Variants in DNAH8 observed in about 807,000 individuals in gnomAD.
DNAH8 encodes axonemal beta dynein heavy chain 8.
Under a neutral mutation model 562.1 loss-of-function variants are expected in DNAH8, and 382 were observed. The observed-to-expected ratio is 0.68, with a 90% confidence interval of 0.63 to 0.74. The LOEUF (loss-of-function observed/expected upper bound fraction) is 0.74, where lower values mean the gene tolerates loss of function less well. Ranked by LOEUF, DNAH8 falls within the 30% of genes least tolerant of loss-of-function variation. DNAH8 has a pLI of 0.00. For synonymous variants in DNAH8, 1,881 were observed against 1,919.4 expected (o/e 0.98, Z 0.52); for missense variants, 5,203 against 5,620.4 (o/e 0.93, Z 2.37).
At chr6:39,020,763 G>A (rs1766864582) in intron 91 of DNAH8, among the ~76,000 whole-genome samples, 1 of 152,030 alleles carries the variant, frequency 6.6e-6, no homozygotes, top group Admixed American at 6.6e-5. Context: ...GTGAGAACAC[G>A]CGGTGTTTGG....
chr6:38,720,468 G>A (rs188390020), intron 1 of DNAH8, among the ~76,000 whole-genome samples: 2 of 152,268 alleles, frequency 1.3e-5, no homozygotes, highest in African/African-American at 4.8e-5. Flanking sequence ...CCCCCATTTT[G>A]GATGGGCAGC....
Position 38,883,956 on chromosome 6 carries a change from T to C in DNAH8, c.8217T>C (p.Ile2739=). ...PPGGRKMTVF[I]DDINMPVINE... is the part of the protein sequence containing the mutation. ...GAGGGAGAAAAATGACTGTATTTAT[T>C]GATGATATTAATATGCCTGTGATTA... Residue 2739 remains isoleucine (I), a synonymous_variant, in exon 56 of 93, where the codon ATT becomes ATC. Coordinates refer to ENST00000327475, the MANE Select transcript of DNAH8 (RefSeq NM_001206927.2). The C allele has an allele frequency of 1.9e-6, 3 of 1,587,090 alleles. No individual in the cohort carries two copies. The highest frequency in any genetic ancestry group is 2.6e-6 in the Non-Finnish European group (3 of 1,165,054).
At chr6:38,736,806 G>C (rs549576961) in intron 5 of DNAH8, among the ~76,000 whole-genome samples, 2 of 152,132 alleles carry the variant, frequency 1.3e-5, no homozygotes, top group Non-Finnish European at 2.9e-5. Flanking sequence ...TAGGCTCCAG[G>C]CTATTGTTCC....
intron 42 of DNAH8, among the ~76,000 whole-genome samples, chr6:38,858,091 C>T (rs1020860315): frequency 3.9e-5 from 6 of 152,146 alleles, no homozygotes; most frequent in East Asian, 3.8e-4. Context: ...AGCACTCTCA[C>T]GGCTGTTCGT....
rs559847783 is a variant in DNAH8, at chr6:38,877,111, C to T, written c.7858+1283C>T. The stretch of plus-strand genomic sequence containing the variant: ...CGCTGCTTTCTGAGCAGCCGGAGTT[C>T]TATGATGTTTAAAGGTTCAGATTGC... On this transcript the variant is annotated intron_variant, in intron 53 of 92. Coordinates refer to ENST00000327475, the MANE Select transcript of DNAH8 (RefSeq NM_001206927.2). 2.0e-5 allele frequency among the ~76,000 whole-genome samples: 3 copies of T among 152,284 alleles called. No individual in the cohort carries two copies. In the South Asian group the frequency reaches 6.2e-4, roughly 32 times the overall value.
intron 30 of DNAH8, among the ~76,000 whole-genome samples, chr6:38,831,430 C>CAAAAAAAAA (rs67322321): frequency 1.7e-4 from 15 of 88,982 alleles, no homozygotes; most frequent in Non-Finnish European, 3.0e-4. Flanking sequence ...GACACCATCT[C>CAAAAAAAAA]AAAAAAAAAA....
rs1466200625 is a variant in DNAH8, at chr6:38,945,619, A to C, written c.12129+31A>C. 1.9e-6 allele frequency: 3 copies of C among 1,612,478 alleles called. No homozygotes were observed. The African/African-American group carries it at 4.0e-5, about 22-fold the overall frequency. Reference sequence around the variant, plus strand: ...ACAATAAAGGGCTGGTTGAAAGTGCAGATCTGCAAACCCAAACATACCTGG... The same window carrying C: ...ACAATAAAGGGCTGGTTGAAAGTGCCGATCTGCAAACCCAAACATACCTGG... On this transcript the variant is annotated intron_variant, in intron 80 of 92. Transcript: ENST00000327475.
Position 38,723,216 on chromosome 6 carries a change from A to T in DNAH8, c.390+17A>T. 1 of 1,593,058 alleles carries T rather than the reference A, an allele frequency of 6.3e-7. No homozygotes were observed. Among genetic ancestry groups the T allele is most frequent in the Non-Finnish European group, 8.5e-7 (1 of 1,171,018 alleles). On this transcript the variant is annotated intron_variant, in intron 2 of 92. Coordinates refer to ENST00000327475, the MANE Select transcript of DNAH8 (RefSeq NM_001206927.2). ...GAGAGACAGGTTTGCTTCTAATACGATTTTTCATGTGTGCCACTTTTCCTT... is the reference window on the plus strand; with the variant it reads ...GAGAGACAGGTTTGCTTCTAATACGTTTTTTCATGTGTGCCACTTTTCCTT...
At chr6:38,797,052 A>G (rs1039026897) in intron 21 of DNAH8, among the ~76,000 whole-genome samples, 3 of 152,254 alleles carry the variant, frequency 2.0e-5, no homozygotes, top group African/African-American at 7.2e-5. Flanking sequence ...TTATGATCCA[A>G]GTTAAACACT....
At chr6:38,884,681 T>C (rs1778782556) in intron 56 of DNAH8, among the ~76,000 whole-genome samples, 1 of 152,210 alleles carries the variant, frequency 6.6e-6, no homozygotes, top group South Asian at 2.1e-4. Context: ...TCTGCCTTTC[T>C]GCAGGGTTAC....
chr6:38,906,481 C>A, intron 63 of DNAH8, 74 bp downstream of exon 63: 1 of 1,239,274 alleles, frequency 8.1e-7, no homozygotes, highest in Non-Finnish European at 1.1e-6. Flanking sequence ...AAGCAGCAAC[C>A]TTTCAAAAAT....
intron 74 of DNAH8, among the ~76,000 whole-genome samples, chr6:38,927,249 C>G (rs1377196176): frequency 6.6e-6 from 1 of 152,184 alleles, no homozygotes; most frequent in African/African-American, 2.4e-5. Context: ...TGGGAGAGAT[C>G]TTCCTTAATT....
intron 53 of DNAH8, among the ~76,000 whole-genome samples, chr6:38,878,670 C>G (rs575659793): frequency 2.0e-5 from 3 of 152,090 alleles, no homozygotes; most frequent in African/African-American, 7.2e-5. Flanking sequence ...AGAAACATGA[C>G]GTGAGTATAT....
intron 8 of DNAH8, among the ~76,000 whole-genome samples, chr6:38,746,813 CA>C (rs373717847): frequency 3.0e-4 from 45 of 152,078 alleles, no homozygotes; most frequent in African/African-American, 1.0e-3. Flanking sequence ...CCTGTAATCC[CA>C]GCTATTCGGG....
Position 38,873,126 on chromosome 6 carries a change from C to CT in DNAH8, c.7458_7459insT (p.Ser2487Ter). On this transcript the variant is annotated frameshift_variant, in exon 51 of 93. Coordinates refer to ENST00000327475, the MANE Select transcript of DNAH8 (RefSeq NM_001206927.2). LOFTEE classifies it high-confidence loss of function. ...TGGTCTATATCAGCAGCTCTGCTCTCAGCTGGAGGCCAATCTTACAGGTGG... is the reference window on the plus strand; with the variant it reads ...TGGTCTATATCAGCAGCTCTGCTCTCTAGCTGGAGGCCAATCTTACAGGTGG... 1 of 1,613,612 alleles carries CT rather than the reference C, an allele frequency of 6.2e-7. No individual in the cohort carries two copies. The highest frequency in any genetic ancestry group is 8.5e-7 in the Non-Finnish European group (1 of 1,179,960).
At chr6:38,899,721 A>G in intron 61 of DNAH8, 55 bp from the exon 62 acceptor site, 2 of 1,599,884 alleles carry the variant, frequency 1.3e-6, no homozygotes. Context: ...TAGTGCAAGA[A>G]AATGTAAACA....
chr6:39,023,006 T>A (rs1457499507), intron 91 of DNAH8, among the ~76,000 whole-genome samples: 1 of 152,210 alleles, frequency 6.6e-6, no homozygotes, highest in Non-Finnish European at 1.5e-5. Context: ...TTAGACCACA[T>A]GTAACTCAGA....
chr6:38,991,097 C>A (rs187764553), intron 88 of DNAH8, among the ~76,000 whole-genome samples: 1 of 152,322 alleles, frequency 6.6e-6, no homozygotes, highest in Admixed American at 6.5e-5. Flanking sequence ...CCTGGCCTTG[C>A]CAGATGTCCC....
Position 38,822,889 on chromosome 6 carries a change from G to A in DNAH8, c.3575G>A (p.Gly1192Glu), listed in dbSNP as rs756385686. 1.9e-6 allele frequency: 3 copies of A among 1,608,514 alleles called. No homozygotes were observed. Among genetic ancestry groups the A allele is most frequent in the Admixed American group, 1.7e-5 (1 of 58,476 alleles). ...PARKLKNFYP[G>E]VAEHKDISKL... ...AGGAAGCTGAAGAATTTTTACCCGGGGGTAGCGGAGCACAAGGATATTTCT... is the reference window on the plus strand; with the variant it reads ...AGGAAGCTGAAGAATTTTTACCCGGAGGTAGCGGAGCACAAGGATATTTCT... Residue 1192 changes from glycine to glutamate, a missense_variant, in exon 27 of 93, where the codon GGG becomes GAG. Transcript: ENST00000327475.
Sources: allele counts gnomAD v4.1 joint callset (sites outside exome capture counted in the v4.1 genomes callset), GRCh38; gene constraint gnomAD v4.1.1; transcripts MANE v1.5; gene names NCBI Gene and HGNC (gene_info 2026-07-23, HGNC 2026-07-21).